LRBA: variants seen among roughly 807,000 people sequenced by gnomAD.
LRBA encodes LPS responsive beige-like anchor protein, also known as lipopolysaccharide-responsive and beige-like anchor protein.
In LRBA, 176 loss-of-function variants were observed where a neutral mutation model predicts 330.0. The observed-to-expected ratio is 0.53, with a 90% confidence interval of 0.47 to 0.60. LRBA has a LOEUF of 0.60. Among genes scored for constraint, LRBA ranks in the 20% least tolerant of loss-of-function variants. The pLI, the probability that LRBA is intolerant of heterozygous loss-of-function variation, is 0.00. For synonymous variants in LRBA, 1,230 were observed against 1,193.0 expected, an observed-to-expected ratio of 1.03 and a Z score of -0.64; for missense variants, 3,259 against 3,444.8, an observed-to-expected ratio of 0.95 and a Z score of 1.35.
At chr4:150,338,995 AAG>A (rs1212775907) in intron 48 of LRBA, among the ~76,000 whole-genome samples, 27 of 150,840 alleles carry the variant, frequency 1.8e-4, no homozygotes, top group Admixed American at 1.7e-3. Flanking sequence ...ACACACACAC[AAG>A]TAGTGAACCC....
chr4:150,710,344 T>G (rs1445134601), intron 36 of LRBA, among the ~76,000 whole-genome samples: 1 of 152,132 alleles, frequency 6.6e-6, no homozygotes, highest in Non-Finnish European at 1.5e-5. Flanking sequence ...ATATACAGTT[T>G]TAGAAAGTCT....
intron 40 of LRBA, among the ~76,000 whole-genome samples, chr4:150,542,431 A>T (rs989723622): frequency 3.3e-5 from 5 of 152,192 alleles, no homozygotes; most frequent in African/African-American, 1.2e-4. Context: ...TATTGTTATG[A>T]CCTTTTCCTT....
At chr4:150,381,433 T>A (rs1742247944) in intron 47 of LRBA, among the ~76,000 whole-genome samples, 1 of 152,262 alleles carries the variant, frequency 6.6e-6, no homozygotes, top group South Asian at 2.1e-4. Flanking sequence ...GGATATTTTG[T>A]ATAAGTGGAA....
At chr4:150,740,920 T>C (rs957646822) in intron 35 of LRBA, among the ~76,000 whole-genome samples, 43 of 152,186 alleles carry the variant, frequency 2.8e-4, no homozygotes, top group African/African-American at 9.9e-4. Context: ...AGTAAGATGG[T>C]CTTTTCCAAA....
chr4:150,270,749 A>G (rs1745970670), intron 56 of LRBA, among the ~76,000 whole-genome samples: 1 of 152,232 alleles, frequency 6.6e-6, no homozygotes, highest in Non-Finnish European at 1.5e-5. Flanking sequence ...CCAGATAAAG[A>G]TGATCCCCCC....
rs537889663 is a variant in LRBA, at chr4:150,538,586, T to C, written c.6331-47551A>G. On this transcript the variant is annotated intron_variant, in intron 40 of 56. Transcript: ENST00000651943. ...TCATTCATAAATGGGAGTTAAACAC[T>C]GGGTACATATGGACATACAGATGGG... Among the ~76,000 whole-genome samples, 17 of 151,828 alleles carry C rather than the reference T, an allele frequency of 1.1e-4. No homozygotes were observed. The South Asian group carries it at 3.5e-3, about 32-fold the overall frequency.
intron 47 of LRBA, among the ~76,000 whole-genome samples, chr4:150,410,205 G>A (rs1419017151): frequency 1.3e-5 from 2 of 152,008 alleles, no homozygotes; most frequent in Non-Finnish European, 2.9e-5. Context: ...CTTGAGAAGT[G>A]TAAATTTTCC....
At chr4:150,875,705 AAAT>A (rs1304860079) in intron 17 of LRBA, among the ~76,000 whole-genome samples, 2 of 152,198 alleles carry the variant, frequency 1.3e-5, no homozygotes, top group East Asian at 1.9e-4. Context: ...GAAGACAAAA[AAAT>A]AATAATAACA....
chr4:151,014,853 C>T lies in LRBA; in HGVS notation c.-211G>A, dbSNP rs77239900. ...TCTCTCTCCCCGAGGCTGACAACAA[C>T]GCCAAACCCTATTGGAAGATTAAAT... On this transcript the variant is annotated 5_prime_UTR_variant, in exon 2 of 57. Transcript: ENST00000651943. The T allele has an allele frequency of 1.1e-5, 6 of 546,320 alleles. No homozygotes were observed. Among genetic ancestry groups the T allele is most frequent in the Non-Finnish European group, 1.6e-5 (5 of 307,542 alleles). The allele number at this position is 546,320 out of a possible 1,614,324, so 33.8% of individuals were successfully genotyped here.
At chr4:150,317,334 C>T (rs1027888745) in intron 50 of LRBA, among the ~76,000 whole-genome samples, 1 of 152,040 alleles carries the variant, frequency 6.6e-6, no homozygotes, top group African/African-American at 2.4e-5. Flanking sequence ...TTATTTTATA[C>T]TTACTCTGTC....
intron 52 of LRBA, among the ~76,000 whole-genome samples, chr4:150,309,166 C>T (rs2126874771): frequency 6.6e-6 from 1 of 152,198 alleles, no homozygotes; most frequent in Non-Finnish European, 1.5e-5. Context: ...TTATACCATA[C>T]TTTTACTGTA....
At chr4:150,988,982 T>C (rs565757093) in intron 2 of LRBA, among the ~76,000 whole-genome samples, 17 of 152,056 alleles carry the variant, frequency 1.1e-4, no homozygotes, top group East Asian at 7.8e-4. Context: ...ATTAAGTGCC[T>C]ATAAAGTGTT....
rs1023068433 is a variant in LRBA, at chr4:150,964,016, G to A, written c.217-34951C>T. 1.8e-4 allele frequency among the ~76,000 whole-genome samples: 25 copies of A among 137,364 alleles called. 2 individuals are homozygous for A. The highest frequency in any genetic ancestry group is 7.6e-4 in the African/African-American group (25 of 33,024). The allele number at this position is 137,364 out of a possible 152,430, so 90.1% of individuals were successfully genotyped here. A position where few individuals can be genotyped will look rare whatever the true frequency, so the allele number is the denominator to read the frequency against. On this transcript the variant is annotated intron_variant, in intron 2 of 56. Transcript: ENST00000651943. ...CCACCCCTTCTGGGAGGTGAGGAGC[G>A]TCTCTGACCGGCCGCCCCATCTGAG... is the stretch of plus-strand genomic sequence containing the variant.
chr4:150,652,830 G>A (rs1779827077), intron 37 of LRBA, among the ~76,000 whole-genome samples: 1 of 152,136 alleles, frequency 6.6e-6, no homozygotes, highest in South Asian at 2.1e-4. Flanking sequence ...TGATCAAATT[G>A]AGGTTAGACA....
chr4:150,863,118 A>G (rs1242755333), intron 22 of LRBA, among the ~76,000 whole-genome samples: 3 of 152,004 alleles, frequency 2.0e-5, no homozygotes. Context: ...GCAACACAGT[A>G]AGACCTCGTC....
chr4:150,660,444 T>A (rs1204478785), intron 37 of LRBA, among the ~76,000 whole-genome samples: 1 of 139,580 alleles, frequency 7.2e-6, no homozygotes, highest in Non-Finnish European at 1.6e-5. Flanking sequence ...GAGGAGCCCC[T>A]CTGCCCGGCC....
chr4:150,920,489 C>T (rs1199653782), intron 5 of LRBA, among the ~76,000 whole-genome samples: 1 of 152,138 alleles, frequency 6.6e-6, no homozygotes, highest in Non-Finnish European at 1.5e-5. Context: ...GCAGAGGTTG[C>T]AGTGAGCCGA....
rs1257803889 is a variant in LRBA, at chr4:150,908,780, G to A, written c.1239C>T (p.Leu413=). Residue 413 remains leucine, a synonymous_variant, in exon 10 of 57, where the codon CTC becomes CTT. Transcript: ENST00000651943. ...TGTACGTGAATGCAATGGCACTAGA[G>A]AGTTTCCCATCGTACAATAAAAGTT... ...HHKLLLYDGK[L]SSAIAFTYNP... The A allele has an allele frequency of 3.7e-6, 6 of 1,613,758 alleles. No homozygotes were observed. The highest frequency in any genetic ancestry group is 5.1e-6 in the Non-Finnish European group (6 of 1,179,812).
intron 28 of LRBA, among the ~76,000 whole-genome samples, chr4:150,836,042 G>GC (rs1213300709): frequency 6.6e-6 from 1 of 152,080 alleles, no homozygotes; most frequent in Non-Finnish European, 1.5e-5. Context: ...GGCCTTTTCT[G>GC]CATCTATTGA....
Sources: allele counts gnomAD v4.1 joint callset (sites outside exome capture counted in the v4.1 genomes callset), GRCh38; gene constraint gnomAD v4.1.1; transcripts MANE v1.5; gene names NCBI Gene and HGNC (gene_info 2026-07-23, HGNC 2026-07-21).